The following POC1B variants were observed in gnomAD, a reference collection of about 807,000 sequenced individuals.
The protein encoded by POC1B is POC1 centriolar protein homolog B.
A neutral mutation model predicts 60.6 loss-of-function variants in POC1B; 44 were observed. The observed-to-expected ratio is 0.73, with a 90% CI of 0.57 to 0.93. The LOEUF is 0.93. Among genes scored for constraint, POC1B ranks in the 40% least tolerant of loss-of-function variants. The probability of loss-of-function intolerance (pLI) is 0.00; values close to 1 mark genes in which losing one functional copy is unlikely to be tolerated. For synonymous variants in POC1B, 180 were observed against 198.9 expected (o/e 0.90, Z 0.80); for missense variants, 555 against 572.3 (o/e 0.97, Z 0.31).
At chr12:89,461,361 G>C (rs976347476) in intron 9 of POC1B, 9 of 152,164 alleles carry the variant, frequency 5.9e-5, no homozygotes, top group African/African-American at 2.2e-4. Flanking sequence ...TCATGGCATA[G>C]TGGAAGAATG....
At chr12:89,525,639 C>T (rs762736622) in intron 1 of POC1B, 33 of 1,279,174 alleles carry the variant, frequency 2.6e-5, no homozygotes, top group Non-Finnish European at 3.3e-5. Context: ...TGGGGCCGCC[C>T]AGCTCAGTCC....
chr12:89,501,334 T>C (rs1869556038), intron 2 of POC1B: 1 of 998,366 alleles, frequency 1.0e-6, no homozygotes, highest in Non-Finnish European at 1.6e-6. Flanking sequence ...AGAAAAATCA[T>C]CTGGAAGCAA....
chr12:89,469,894 A>G (rs555774291), intron 7 of POC1B, among the ~76,000 whole-genome samples: 50 of 150,342 alleles, frequency 3.3e-4, no homozygotes, highest in African/African-American at 1.2e-3. Flanking sequence ...TTTTTTTGAC[A>G]GTCTTGCTCT....
chr12:89,423,820 T>TA (rs370658114), intron 11 of POC1B, among the ~76,000 whole-genome samples: 1 of 152,052 alleles, frequency 6.6e-6, no homozygotes. Context: ...TTGAATCTGG[T>TA]AAAAAGGAGG....
chr12:89,450,831 T>G (rs1315345908), intron 10 of POC1B, among the ~76,000 whole-genome samples: 1 of 152,216 alleles, frequency 6.6e-6, no homozygotes, highest in African/African-American at 2.4e-5. Flanking sequence ...ATCTTATTAT[T>G]TCTTTAGGAT....
intron 9 of POC1B, among the ~76,000 whole-genome samples, chr12:89,460,401 G>T (rs1212110437): frequency 6.6e-6 from 1 of 152,156 alleles, no homozygotes; most frequent in Non-Finnish European, 1.5e-5. Flanking sequence ...ACAGAGTGCT[G>T]TATATGGAAA....
intron 10 of POC1B, among the ~76,000 whole-genome samples, chr12:89,450,367 C>T (rs2120764183): frequency 6.6e-6 from 1 of 152,212 alleles, no homozygotes; most frequent in East Asian, 1.9e-4. Context: ...ACCACCATGC[C>T]CAGCTAACTT....
At chr12:89,446,968 T>G (rs1881817415) in intron 10 of POC1B, among the ~76,000 whole-genome samples, 1 of 152,042 alleles carries the variant, frequency 6.6e-6, no homozygotes, top group African/African-American at 2.4e-5. Context: ...ATACTCATAG[T>G]TTGGGATATA....
intron 10 of POC1B, among the ~76,000 whole-genome samples, chr12:89,457,017 T>C (rs1372990822): frequency 6.6e-6 from 1 of 152,198 alleles, no homozygotes; most frequent in African/African-American, 2.4e-5. Context: ...TAAGGAAATG[T>C]CCAATCTACA....
intron 10 of POC1B, among the ~76,000 whole-genome samples, chr12:89,457,832 T>C: frequency 6.6e-6 from 1 of 152,224 alleles, no homozygotes; most frequent in East Asian, 1.9e-4. Context: ...GTCATGTGTT[T>C]GTTATACAGA....
chr12:89,434,402 C>A (rs535277743), intron 10 of POC1B, among the ~76,000 whole-genome samples: 1 of 152,286 alleles, frequency 6.6e-6, no homozygotes, highest in East Asian at 1.9e-4. Flanking sequence ...TGTCTTTAAT[C>A]TTTATTATAA....
chr12:89,509,018 G>A (rs1231980636), intron 2 of POC1B, among the ~76,000 whole-genome samples: 1 of 152,130 alleles, frequency 6.6e-6, no homozygotes, highest in African/African-American at 2.4e-5. Context: ...TATAAATATC[G>A]TCTTCCTCAC....
chr12:89,500,800 A>C, intron 2 of POC1B: 3 of 1,000,908 alleles, frequency 3.0e-6, no homozygotes, highest in Non-Finnish European at 4.6e-6. Context: ...AAAACATCAG[A>C]AGGACAAGAA....
intron 9 of POC1B, chr12:89,459,988 A>C (rs1479445827): frequency 2.3e-6 from 1 of 434,622 alleles, no homozygotes; most frequent in East Asian, 5.5e-5. Flanking sequence ...CTAAAAAGGA[A>C]TATTAAAAAT....
Position 89,459,684 on chromosome 12 carries a change from A to C in POC1B, c.1067T>G (p.Ile356Ser). ...GATATCCATAACAGGGGGAGTAGAG[A>C]TCTGCAAATCGATTACCTCAAGCTT... ...NPKLEVIDLQ[I>S]STPPVMDILS... is the part of the protein sequence containing the mutation. Residue 356 changes from isoleucine to serine, a missense_variant, in exon 10 of 12, where the codon ATC becomes AGC. Coordinates refer to ENST00000313546, the MANE Select transcript of POC1B (RefSeq NM_172240.3). The C allele has an allele frequency of 2.6e-6, 4 of 1,541,374 alleles. No homozygotes were observed. The highest frequency in any genetic ancestry group is 3.5e-6 in the Non-Finnish European group (4 of 1,143,092).
chr12:89,451,462 G>C (rs927976011), intron 10 of POC1B, among the ~76,000 whole-genome samples: 2 of 151,900 alleles, frequency 1.3e-5, no homozygotes, highest in African/African-American at 4.8e-5. Context: ...AAGTCAATTT[G>C]ACATTTAAGT....
chr12:89,525,845 A>G, intron 1 of POC1B, 36 bp downstream of exon 1: 2 of 1,409,982 alleles, frequency 1.4e-6, no homozygotes, highest in East Asian at 2.7e-5. Flanking sequence ...GACAGGCTCC[A>G]GGGAGGGACC....
At chr12:89,471,556 C>T in intron 6 of POC1B, 58 bp downstream of exon 6, 11 of 1,329,718 alleles carry the variant, frequency 8.3e-6, no homozygotes, top group Non-Finnish European at 1.2e-5. Context: ...CAAGGAGAAT[C>T]AGTCCTTCCA....
chr12:89,420,951 G>C lies in POC1B; in HGVS notation c.*202C>G, dbSNP rs1880504007. Reference sequence around the variant, plus strand: ...TCATAAATGATAGTAATTTAAATTAGTCCTTCACATTGATATGTGTTTAAA... The same window carrying C: ...TCATAAATGATAGTAATTTAAATTACTCCTTCACATTGATATGTGTTTAAA... On this transcript the variant is annotated 3_prime_UTR_variant, in exon 12 of 12. Transcript: ENST00000313546. 1 of 428,392 alleles carries C rather than the reference G, an allele frequency of 2.3e-6. No individual in the cohort carries two copies. The highest frequency in any genetic ancestry group is 4.2e-6 in the Non-Finnish European group (1 of 240,048). 26.5% of individuals were successfully genotyped at this position (428,392 alleles called of 1,614,324 possible).
Sources: gnomAD v4.1 joint callset for allele counts (sites outside exome capture counted in the v4.1 genomes callset) on GRCh38, gnomAD v4.1.1 for gene constraint, MANE v1.5 for transcripts, NCBI Gene and HGNC (gene_info 2026-07-23, HGNC 2026-07-21) for gene names.